The following LACC1 variants were observed in gnomAD, a reference collection of about 807,000 sequenced individuals.
LACC1 encodes laccase domain multifunctional purine nucleosidase 1, also known as purine nucleoside phosphorylase LACC1.
In LACC1, 25 loss-of-function variants were observed where a neutral mutation model predicts 34.8. That is an observed-to-expected ratio of 0.72 (90% CI 0.52 to 1.00). The LOEUF (loss-of-function observed/expected upper bound fraction) is 1.00. Among genes scored for constraint, LACC1 ranks in the 50% least tolerant of loss-of-function variants. LACC1 has a pLI of 0.00. For synonymous variants in LACC1, 162 were observed against 168.0 expected, an observed-to-expected ratio of 0.96 and a Z score of 0.28; for missense variants, 426 against 511.2, an observed-to-expected ratio of 0.83 and a Z score of 1.61.
Position 43,881,449 on chromosome 13 carries a change from A to G in LACC1, c.464A>G (p.Gln155Arg), listed in dbSNP as rs769185089. Reference protein sequence around the residue: ...QSIEINVITAQELRGIQNEIE... With the variant: ...QSIEINVITARELRGIQNEIE... ...ATTGAAATAAACGTAATCACAGCTC[A>G]AGAACTAAGAGGAATTCAGAATGAA... Residue 155 changes from glutamine to arginine, a missense_variant, in exon 2 of 7, where the codon CAA becomes CGA. Gln to Arg is a conservative substitution (Grantham distance 43, BLOSUM62 1). Transcript: ENST00000325686. 6.2e-7 allele frequency: 1 copy of G among 1,613,362 alleles called. No individual in the cohort carries two copies. Among genetic ancestry groups the G allele is most frequent in the Non-Finnish European group, 8.5e-7 (1 of 1,179,336 alleles).
rs750411311 is a variant in LACC1 at position 43,888,824 on chromosome 13, C to A, written c.975C>A (p.Cys325Ter). Residue 325 changes from cysteine to a stop codon, truncating the protein, a stop_gained, in exon 5 of 7, where the codon TGC becomes TGA. Coordinates refer to ENST00000325686, the MANE Select transcript of LACC1 (RefSeq NM_153218.4). LOFTEE classifies it high-confidence loss of function. The part of the protein sequence containing the change: ...TVNAMIAEYG[C>*]SLEDIVVVLG... ...ATGCTATGATAGCAGAATATGGCTGCAGTTTGGAAGACATTGTTGTTGTAC... is the reference window on the plus strand; with the variant it reads ...ATGCTATGATAGCAGAATATGGCTGAAGTTTGGAAGACATTGTTGTTGTAC... 9.3e-6 allele frequency: 15 copies of A among 1,613,714 alleles called. No homozygotes were observed.
At chr13:43,883,290 G>A (rs904147009) in intron 3 of LACC1, among the ~76,000 whole-genome samples, 11 of 151,852 alleles carry the variant, frequency 7.2e-5, no homozygotes, top group African/African-American at 2.7e-4. Context: ...ACTGAATGGT[G>A]GTAGAGAAAG....
At chr13:43,882,870 G>A (rs1955138997) in intron 3 of LACC1, among the ~76,000 whole-genome samples, 1 of 151,994 alleles carries the variant, frequency 6.6e-6, no homozygotes, top group South Asian at 2.1e-4. Context: ...TCGGTTCAGG[G>A]CTTTAGGTAG....
chr13:43,891,355 T>C (rs1955562412), intron 6 of LACC1, 94 bp from the exon 7 acceptor site: 3 of 521,480 alleles, frequency 5.8e-6, no homozygotes, highest in Non-Finnish European at 4.9e-6. Context: ...GCTCTTTAAC[T>C]TACAGAAAAA....
At position 43,888,836 on chromosome 13, in the gene LACC1, C is replaced by T. The variant is rs1384897205; in HGVS notation, c.987C>T (p.Asp329=). The change falls in exon 5 of 7, where the codon GAC becomes GAT. Residue 329 remains aspartate (D), a synonymous_variant. Transcript: ENST00000325686. Reference sequence around the variant, plus strand: ...CAGAATATGGCTGCAGTTTGGAAGACATTGTTGTTGTACTTGGACCTTCAG... The same window carrying T: ...CAGAATATGGCTGCAGTTTGGAAGATATTGTTGTTGTACTTGGACCTTCAG... The part of the protein sequence containing the change: ...MIAEYGCSLE[D]IVVVLGPSVG... The T allele has an allele frequency of 1.2e-6, 2 of 1,613,738 alleles. No individual in the cohort carries two copies. The highest frequency in any genetic ancestry group is 1.7e-6 in the Non-Finnish European group (2 of 1,179,842).
chr13:43,892,662 G>A lies in LACC1; in HGVS notation c.*1215G>A, dbSNP rs1955611439. 6.6e-6 allele frequency: 1 copy of A among 152,116 alleles called. No individual in the cohort carries two copies. Among genetic ancestry groups the A allele is most frequent in the South Asian group, 2.1e-4 (1 of 4,826 alleles). The allele number at this position is 152,116 out of a possible 1,614,324, so 9.4% of individuals were successfully genotyped here. The stretch of plus-strand genomic sequence containing the variant: ...CAAATATTTCAAAGCTTACAATACA[G>A]AGATGATACCTGATTCTATTGGAGC... On this transcript the variant is annotated 3_prime_UTR_variant, in exon 7 of 7. Coordinates refer to ENST00000325686, the MANE Select transcript of LACC1 (RefSeq NM_153218.4).
intron 4 of LACC1, among the ~76,000 whole-genome samples, chr13:43,884,928 C>T (rs1254033277): frequency 6.6e-6 from 1 of 152,054 alleles, no homozygotes; most frequent in African/African-American, 2.4e-5. Context: ...GGTTCGAAAA[C>T]ATTTAGTTTA....
intron 4 of LACC1, among the ~76,000 whole-genome samples, chr13:43,885,956 C>T (rs995053683): frequency 5.9e-5 from 9 of 151,530 alleles, no homozygotes; most frequent in African/African-American, 2.2e-4. Context: ...CATGAACAAA[C>T]GCTTCTCAAA....
At chr13:43,889,024 A>G (rs1955455083) in intron 5 of LACC1, 42 bp downstream of exon 5, 1 of 1,479,124 alleles carries the variant, frequency 6.8e-7, no homozygotes, top group Non-Finnish European at 9.4e-7. Flanking sequence ...ATTATTTCTG[A>G]TTGTTCTAAA....
chr13:43,880,570 A>T (rs985155140), intron 1 of LACC1, among the ~76,000 whole-genome samples: 6 of 152,230 alleles, frequency 3.9e-5, no homozygotes, highest in African/African-American at 1.4e-4. Flanking sequence ...ATATGAAAGG[A>T]TGAGACCTAA....
In LACC1 at chr13:43,888,989, C is replaced by T. The variant is rs1566969927; in HGVS notation, c.1133+7C>T. On this transcript the variant is annotated splice_region_variant and intron_variant, in intron 5 of 6. Transcript: ENST00000325686. ...ACATCCGTAAAGCCACAAGGTATGT[C>T]TGATTTCATTCAACTGCAAGTTTGA... 1 of 1,593,958 alleles carries T rather than the reference C, an allele frequency of 6.3e-7. No individual in the cohort carries two copies. The highest frequency in any genetic ancestry group is 8.6e-7 in the Non-Finnish European group (1 of 1,162,046).
chr13:43,885,914 ACAAT>A (rs1482216828), intron 4 of LACC1, among the ~76,000 whole-genome samples: 3 of 152,210 alleles, frequency 2.0e-5, no homozygotes, highest in Non-Finnish European at 2.9e-5. Context: ...CAAACAAATA[ACAAT>A]CAATCCCATT....
chr13:43,883,733 A>T (rs1409101360), intron 3 of LACC1, 38 bp from the exon 4 acceptor site: 2 of 1,531,192 alleles, frequency 1.3e-6, no homozygotes, highest in Non-Finnish European at 8.9e-7. Context: ...AAGAAATACT[A>T]TTTCCAAAAC....
intron 2 of LACC1, among the ~76,000 whole-genome samples, 181 bp downstream of exon 2, chr13:43,881,728 G>A (rs1483215297): frequency 1.3e-5 from 2 of 152,070 alleles, no homozygotes; most frequent in African/African-American, 2.4e-5. Flanking sequence ...GGTGTCAAGG[G>A]ATAAAGCCTT....
chr13:43,883,191 A>G (rs768134701), intron 3 of LACC1, among the ~76,000 whole-genome samples: 48 of 152,224 alleles, frequency 3.2e-4, no homozygotes, highest in Non-Finnish European at 5.7e-4. Flanking sequence ...AGCCTACTGT[A>G]TATTTCATCT....
At position 43,890,491 on chromosome 13, in the gene LACC1, T is replaced by C. The variant is rs1259549628; in HGVS notation, c.*1+217T>C. ...TAGTGGTAGCAACGTTCATTTCCAA[T>C]AACACTCTATTATGAAGAGCAGCCA... On this transcript the variant is annotated intron_variant, in intron 6 of 6. Coordinates refer to ENST00000325686, the MANE Select transcript of LACC1 (RefSeq NM_153218.4). 5.9e-5 allele frequency among the ~76,000 whole-genome samples: 9 copies of C among 152,224 alleles called. No homozygotes were observed. The East Asian group carries it at 1.7e-3, about 29-fold the overall frequency.
intron 4 of LACC1, among the ~76,000 whole-genome samples, chr13:43,885,786 C>T (rs1389063756): frequency 6.6e-6 from 1 of 152,076 alleles, no homozygotes; most frequent in Non-Finnish European, 1.5e-5. Context: ...GGAGCTTCTG[C>T]ACAGCAAAAG....
At chr13:43,884,768 A>C (rs1438932114) in intron 4 of LACC1, among the ~76,000 whole-genome samples, 2 of 152,190 alleles carry the variant, frequency 1.3e-5, no homozygotes, top group Admixed American at 6.5e-5. Context: ...GGTAAAAAAG[A>C]AAGTAGCATA....
rs1178209236 is a variant in LACC1, at chr13:43,881,540, G to C, written c.555G>C (p.Leu185Phe). The C allele has an allele frequency of 6.3e-7, 1 of 1,595,488 alleles. No individual in the cohort carries two copies. Among genetic ancestry groups the C allele is most frequent in the African/African-American group, 1.4e-5 (1 of 73,956 alleles). ...RGKLTIITSSLIPDIFIHGFT... is the reference protein window; with the variant it reads ...RGKLTIITSSFIPDIFIHGFT... ...AATTAACTATTATCACTTCTTCTTT[G>C]ATCCCAGGTATATTAACCACTAACT... The change falls in exon 2 of 7, where the codon TTG (leucine) becomes TTC (phenylalanine). Residue 185 changes from leucine (L) to phenylalanine (F), a missense_variant. Coordinates refer to ENST00000325686, the MANE Select transcript of LACC1 (RefSeq NM_153218.4).
Sources: gnomAD v4.1 joint callset for allele counts (sites outside exome capture counted in the v4.1 genomes callset) on GRCh38, gnomAD v4.1.1 for gene constraint, MANE v1.5 for transcripts, NCBI Gene and HGNC (gene_info 2026-07-23, HGNC 2026-07-21) for gene names.